CEACAM21: variants seen among roughly 807,000 people sequenced by gnomAD.
The protein encoded by CEACAM21 is CEA cell adhesion molecule 21.
Under a neutral mutation model 33.2 loss-of-function variants are expected in CEACAM21, and 38 were observed. The observed-to-expected ratio is 1.14, with a 90% CI of 0.88 to 1.50. The LOEUF (loss-of-function observed/expected upper bound fraction) is 1.50, where lower values mean the gene tolerates loss of function less well. Among genes scored for constraint, CEACAM21 ranks in the 40% most tolerant of loss-of-function variants. CEACAM21 has a pLI of 0.00. For missense variants in CEACAM21, 385 were observed against 364.6 expected (o/e 1.06, Z -0.46); for synonymous variants, 156 against 143.0 (o/e 1.09, Z -0.65).
At chr19:41,577,894 C>T (rs1436141639) in intron 2 of CEACAM21, among the ~76,000 whole-genome samples, 1 of 152,202 alleles carries the variant, frequency 6.6e-6, no homozygotes, top group Non-Finnish European at 1.5e-5. Flanking sequence ...AGGGCCTGGC[C>T]TGAGGATCCT....
chr19:41,585,671 C>G (rs1272792291), intron 5 of CEACAM21, among the ~76,000 whole-genome samples, 169 bp from the exon 6 acceptor site: 2 of 152,150 alleles, frequency 1.3e-5, no homozygotes, highest in Admixed American at 1.3e-4. Flanking sequence ...CCTCCGGGCT[C>G]TGGGTCATGG....
intron 1 of CEACAM21, among the ~76,000 whole-genome samples, chr19:41,554,290 A>C (rs1479377946): frequency 6.6e-6 from 1 of 152,070 alleles, no homozygotes; most frequent in Non-Finnish European, 1.5e-5. Flanking sequence ...AGCTGATTAT[A>C]AAATTACCTT....
At chr19:41,584,667 C>T (rs1334697098) in intron 4 of CEACAM21, among the ~76,000 whole-genome samples, 1 of 152,194 alleles carries the variant, frequency 6.6e-6, no homozygotes, top group Non-Finnish European at 1.5e-5. Context: ...GGCCATGCCC[C>T]TGAGCATGGT....
intron 1 of CEACAM21, among the ~76,000 whole-genome samples, chr19:41,561,601 T>G (rs567073338): frequency 2.4e-4 from 37 of 152,340 alleles, no homozygotes; most frequent in African/African-American, 8.4e-4. Flanking sequence ...AAAATTCATG[T>G]GGTACAACAA....
Position 41,579,346 on chromosome 19 carries a change from T to C in CEACAM21, c.425-7T>C. On this transcript the variant is annotated splice_polypyrimidine_tract_variant and splice_region_variant and intron_variant, in intron 2 of 6. Coordinates refer to ENST00000401445, the MANE Select transcript of CEACAM21 (RefSeq NM_001098506.4). ...AAGACACTTTCTGTTGGTCACTCTATCCACAGAGTCAGTGGCTCAGCCCTC... is the reference window on the plus strand; with the variant it reads ...AAGACACTTTCTGTTGGTCACTCTACCCACAGAGTCAGTGGCTCAGCCCTC... The C allele has an allele frequency of 1.9e-6, 3 of 1,613,888 alleles. No individual in the cohort carries two copies.
chr19:41,552,784 G>T (rs1334054575), intron 1 of CEACAM21, among the ~76,000 whole-genome samples: 1 of 152,162 alleles, frequency 6.6e-6, no homozygotes, highest in Non-Finnish European at 1.5e-5. Context: ...GGGTGTAGAG[G>T]CAGCACCTGC....
chr19:41,551,901 C>T (rs1347050346), intron 1 of CEACAM21: 1 of 152,180 alleles, frequency 6.6e-6, no homozygotes, highest in African/African-American at 2.4e-5. Flanking sequence ...TACCGCCAGG[C>T]AGGAAGCCCA....
chr19:41,583,730 C>T (rs1173049174), intron 3 of CEACAM21, among the ~76,000 whole-genome samples: 2 of 152,186 alleles, frequency 1.3e-5, no homozygotes, highest in Admixed American at 1.3e-4. Context: ...AACCCACCCT[C>T]ATGATTCAAT....
Position 41,579,536 on chromosome 19 carries a change from C to T in CEACAM21, c.608C>T (p.Pro203Leu). 2 of 1,612,872 alleles carry T rather than the reference C, an allele frequency of 1.2e-6. No homozygotes were observed. The highest frequency in any genetic ancestry group is 8.5e-7 in the Non-Finnish European group (1 of 1,179,338). The change falls in exon 3 of 7, where the codon CCC becomes CTC. Residue 203 changes from proline to leucine, a missense_variant. Pro to Leu is a moderately conservative substitution (Grantham distance 98). Transcript: ENST00000401445. Reference protein sequence around the residue: ...SWFNHVLTIDPIRQEDAGEYQ... With the variant: ...SWFNHVLTIDLIRQEDAGEYQ... ...TTTAACCATGTGCTCACCATAGACC[C>T]CATCAGGCAGGAGGACGCTGGGGAG...
chr19:41,569,161 T>C (rs1315669398), intron 2 of CEACAM21, among the ~76,000 whole-genome samples: 1 of 152,172 alleles, frequency 6.6e-6, no homozygotes, highest in Non-Finnish European at 1.5e-5. Context: ...GACTATTGCA[T>C]AGCATGGTTG....
intron 2 of CEACAM21, among the ~76,000 whole-genome samples, chr19:41,566,848 T>C (rs1293723166): frequency 6.6e-6 from 1 of 152,230 alleles, no homozygotes; most frequent in Non-Finnish European, 1.5e-5. Flanking sequence ...TATTGCTCTA[T>C]TCATAATATC....
intron 2 of CEACAM21, among the ~76,000 whole-genome samples, chr19:41,568,841 C>G (rs1473179760): frequency 1.3e-5 from 2 of 152,208 alleles, no homozygotes; most frequent in Admixed American, 6.5e-5. Flanking sequence ...CGAAGAATAT[C>G]ATTGGTGTTT....
intron 1 of CEACAM21, among the ~76,000 whole-genome samples, chr19:41,549,864 T>A (rs532747958): frequency 6.5e-4 from 99 of 152,300 alleles, no homozygotes; most frequent in Admixed American, 5.2e-4. Flanking sequence ...AATTTTTTTT[T>A]AATTCCTTTT....
intron 1 of CEACAM21, among the ~76,000 whole-genome samples, chr19:41,563,759 G>A (rs2042056058): frequency 6.6e-6 from 1 of 152,274 alleles, no homozygotes; most frequent in Admixed American, 6.5e-5. Flanking sequence ...GGGCAAGGGG[G>A]TGGTCCCTTT....
intron 2 of CEACAM21, among the ~76,000 whole-genome samples, chr19:41,570,885 T>G (rs190935570): frequency 2.4e-3 from 367 of 151,768 alleles, no homozygotes; most frequent in African/African-American, 8.0e-3. Flanking sequence ...AAGGGGTGAG[T>G]TCAGGTGGAG....
chr19:41,569,589 C>T (rs1320252169), intron 2 of CEACAM21, among the ~76,000 whole-genome samples: 2 of 152,020 alleles, frequency 1.3e-5, no homozygotes, highest in African/African-American at 4.8e-5. Context: ...GATACTGCCC[C>T]CCAAGGAGGA....
intron 2 of CEACAM21, among the ~76,000 whole-genome samples, chr19:41,566,542 GT>G (rs2042278285): frequency 6.6e-6 from 1 of 152,064 alleles, no homozygotes; most frequent in Admixed American, 6.6e-5. Flanking sequence ...TATTTTGCTT[GT>G]TTGCTATTAT....
intron 2 of CEACAM21, among the ~76,000 whole-genome samples, chr19:41,566,224 G>A (rs868924332): frequency 3.3e-5 from 5 of 152,326 alleles, no homozygotes; most frequent in Admixed American, 6.5e-5. Context: ...TATTGAATAT[G>A]TGCCAAGCAC....
chr19:41,581,742 A>G (rs542678151), intron 3 of CEACAM21, among the ~76,000 whole-genome samples: 2 of 152,340 alleles, frequency 1.3e-5, no homozygotes, highest in East Asian at 1.9e-4. Context: ...CTTATTCACT[A>G]TCATGAGAAC....
Sources: allele counts gnomAD v4.1 joint callset (sites outside exome capture counted in the v4.1 genomes callset), GRCh38; gene constraint gnomAD v4.1.1; transcripts MANE v1.5; gene names NCBI Gene and HGNC (gene_info 2026-07-23, HGNC 2026-07-21).